RFTN1: variants seen among roughly 807,000 people sequenced by gnomAD.
RFTN1 encodes raftlin.
A neutral mutation model predicts 46.5 loss-of-function variants in RFTN1; 26 were observed. The observed-to-expected ratio is 0.56, with a 90% CI of 0.41 to 0.78. The LOEUF (loss-of-function observed/expected upper bound fraction) is 0.78. Among genes scored for constraint, RFTN1 ranks in the 30% least tolerant of loss-of-function variants. The probability of loss-of-function intolerance (pLI) is 0.00; values close to 1 mark genes in which losing one functional copy is unlikely to be tolerated. For synonymous variants in RFTN1, 261 were observed against 284.2 expected (o/e 0.92, Z 0.82); for missense variants, 693 against 718.7 (o/e 0.96, Z 0.41).
chr3:16,510,325 C>A (rs527847155), intron 1 of RFTN1, among the ~76,000 whole-genome samples: 1 of 152,224 alleles, frequency 6.6e-6, no homozygotes, highest in Non-Finnish European at 1.5e-5. Flanking sequence ...AGTTTCTAGG[C>A]AGAAGCTTAG....
chr3:16,325,006 G>C (rs990433238), intron 8 of RFTN1, among the ~76,000 whole-genome samples: 1 of 151,984 alleles, frequency 6.6e-6, no homozygotes. Context: ...CCCAATCAGT[G>C]TGAGGCTATA....
chr3:16,454,488 G>A (rs1214216280), intron 2 of RFTN1, among the ~76,000 whole-genome samples: 3 of 142,362 alleles, frequency 2.1e-5, no homozygotes, highest in African/African-American at 7.4e-5. Flanking sequence ...GTCTGAGGAC[G>A]ATTGTGTGAG....
chr3:16,508,931 G>A (rs1380002438), intron 1 of RFTN1, among the ~76,000 whole-genome samples: 1 of 152,146 alleles, frequency 6.6e-6, no homozygotes, highest in Non-Finnish European at 1.5e-5. Context: ...CTAACCACAC[G>A]TGGCTCTGGG....
intron 7 of RFTN1, among the ~76,000 whole-genome samples, chr3:16,354,042 T>C (rs2072264334): frequency 6.6e-6 from 1 of 152,218 alleles, no homozygotes; most frequent in Non-Finnish European, 1.5e-5. Context: ...ACAAGCTCAA[T>C]TTTGAGAAAC....
chr3:16,361,342 T>G lies in RFTN1; in HGVS notation c.1031-3295A>C, dbSNP rs1166812060. Among the ~76,000 whole-genome samples the G allele has an allele frequency of 6.6e-6, 1 of 152,084 alleles. No homozygotes were observed. Among genetic ancestry groups the G allele is most frequent in the East Asian group, 1.9e-4 (1 of 5,172 alleles). On this transcript the variant is annotated intron_variant, in intron 6 of 9. Coordinates refer to ENST00000334133, the MANE Select transcript of RFTN1 (RefSeq NM_015150.2). This position sits in a 1 kb window ranked among gnomAD's most constrained non-coding sequence, Gnocchi z 4.3. Reference sequence around the variant, plus strand: ...CAAGTAGTCCTGTAGTCACTAGAGATCTCACAAGCAGCAAGATAAAGTCCC... The same window carrying G: ...CAAGTAGTCCTGTAGTCACTAGAGAGCTCACAAGCAGCAAGATAAAGTCCC...
intron 6 of RFTN1, among the ~76,000 whole-genome samples, chr3:16,360,073 T>C (rs1298614506): frequency 1.3e-5 from 2 of 152,170 alleles, no homozygotes; most frequent in Non-Finnish European, 2.9e-5. Flanking sequence ...GCTTTTATAG[T>C]TAAAAATACT....
chr3:16,428,557 T>A lies in RFTN1; in HGVS notation c.332+5294A>T, dbSNP rs1332343935. On this transcript the variant is annotated intron_variant, in intron 3 of 9. Coordinates refer to ENST00000334133, the MANE Select transcript of RFTN1 (RefSeq NM_015150.2). This position sits in a 1 kb window ranked among gnomAD's most constrained non-coding sequence, Gnocchi z 4.7. ...CCTCTGTGTGCCCCCACCCTAATCCTAGGCCAAAAGGTGCCTGATAAATGT... is the reference window on the plus strand; with the variant it reads ...CCTCTGTGTGCCCCCACCCTAATCCAAGGCCAAAAGGTGCCTGATAAATGT... 1.3e-5 allele frequency among the ~76,000 whole-genome samples: 2 copies of A among 152,212 alleles called. No homozygotes were observed. The highest frequency in any genetic ancestry group is 1.3e-4 in the Admixed American group (2 of 15,286).
chr3:16,441,765 A>G (rs59846174), intron 2 of RFTN1, among the ~76,000 whole-genome samples: 9,587 of 152,274 alleles, frequency 0.063, 320 homozygotes, highest in Middle Eastern at 0.071. Flanking sequence ...ACAGACACCA[A>G]TTCCCTCGGG....
At chr3:16,371,537 T>C (rs955227042) in intron 5 of RFTN1, among the ~76,000 whole-genome samples, 2 of 152,266 alleles carry the variant, frequency 1.3e-5, no homozygotes. Context: ...TCTAAAATTA[T>C]CTCACATAGG....
At chr3:16,373,947 T>C (rs1205817695) in intron 5 of RFTN1, among the ~76,000 whole-genome samples, 1 of 152,206 alleles carries the variant, frequency 6.6e-6, no homozygotes, top group Non-Finnish European at 1.5e-5. Context: ...TGCTCAAGCT[T>C]CGCTAAGGCT....
Position 16,486,713 on chromosome 3 carries a change from C to T in RFTN1, c.145+7012G>A, listed in dbSNP as rs76567974. Among the ~76,000 whole-genome samples, 494 of 152,344 alleles carry T rather than the reference C, an allele frequency of 3.2e-3. 1 individual carries two copies. The highest frequency in any genetic ancestry group is 0.011 in the African/African-American group (441 of 41,576). Reference sequence around the variant, plus strand: ...CCATCAGTCTCCATTACTCTAGCATCAAGTACTGGTTCTTCATCTGTGAGA... The same window carrying T: ...CCATCAGTCTCCATTACTCTAGCATTAAGTACTGGTTCTTCATCTGTGAGA... On this transcript the variant is annotated intron_variant, in intron 2 of 9. Coordinates refer to ENST00000334133, the MANE Select transcript of RFTN1 (RefSeq NM_015150.2).
In RFTN1 at chr3:16,425,352, A is replaced by G. The variant is rs2075268807; in HGVS notation, c.332+8499T>C. On this transcript the variant is annotated intron_variant, in intron 3 of 9. Coordinates refer to ENST00000334133, the MANE Select transcript of RFTN1 (RefSeq NM_015150.2). The surrounding 1 kb of genome is among the most constrained non-coding windows in gnomAD (Gnocchi z 4.3). ...GTTTTAAGATTAACAGGAAATTTCAAAGAAATTCAGTGCTTGTGCATTTGT... is the reference window on the plus strand; with the variant it reads ...GTTTTAAGATTAACAGGAAATTTCAGAGAAATTCAGTGCTTGTGCATTTGT... 6.6e-6 allele frequency among the ~76,000 whole-genome samples: 1 copy of G among 152,252 alleles called. No individual in the cohort carries two copies. Among genetic ancestry groups the G allele is most frequent in the African/African-American group, 2.4e-5 (1 of 41,468 alleles).
rs952404384 is a variant in RFTN1 at position 16,346,107 on chromosome 3, C to T, written c.1146+11825G>A. ...AAGGTTCCTATGATTTAGGGTCTTC[C>T]AGCACCCCTCAGGAAGCTTGACAAT... On this transcript the variant is annotated intron_variant, in intron 7 of 9. Transcript: ENST00000334133. This position sits in a 1 kb window ranked among gnomAD's most constrained non-coding sequence, Gnocchi z 4.4. 1 of 152,100 alleles carries T rather than the reference C, an allele frequency of 6.6e-6. No individual in the cohort carries two copies. The highest frequency in any genetic ancestry group is 2.4e-5 in the African/African-American group (1 of 41,426). 9.4% of individuals were successfully genotyped at this position (152,100 alleles called of 1,614,324 possible).
At chr3:16,332,344 C>T (rs112709915) in intron 7 of RFTN1, among the ~76,000 whole-genome samples, 7,843 of 87,510 alleles carry the variant, frequency 0.09, 663 homozygotes, top group African/African-American at 0.26. Flanking sequence ...TGTCTTCCAA[C>T]TTTTATGTTT....
rs1486356452 is a variant in RFTN1, at chr3:16,504,676, C to G, written c.-9+8766G>C. On this transcript the variant is annotated intron_variant, in intron 1 of 9. Coordinates refer to ENST00000334133, the MANE Select transcript of RFTN1 (RefSeq NM_015150.2). The surrounding 1 kb of genome is among the most constrained non-coding windows in gnomAD (Gnocchi z 4.4). ...ACATGCTATTGTCTCTCCCTTAGCACTCACACTCCCTCTCTTGCCCTAACT... is the reference window on the plus strand; with the variant it reads ...ACATGCTATTGTCTCTCCCTTAGCAGTCACACTCCCTCTCTTGCCCTAACT... Among the ~76,000 whole-genome samples the G allele has an allele frequency of 6.6e-6, 1 of 152,166 alleles. No homozygotes were observed. The highest frequency in any genetic ancestry group is 2.4e-5 in the African/African-American group (1 of 41,412).
At chr3:16,461,360 C>T (rs116286059) in intron 2 of RFTN1, among the ~76,000 whole-genome samples, 5,132 of 152,260 alleles carry the variant, frequency 0.034, 134 homozygotes, top group Middle Eastern at 0.061. Flanking sequence ...CGTGAATAAT[C>T]AGGAATAATT....
chr3:16,389,804 C>T (rs12496341), intron 4 of RFTN1, among the ~76,000 whole-genome samples: 8,787 of 152,284 alleles, frequency 0.058, 314 homozygotes, highest in Middle Eastern at 0.14. Flanking sequence ...GAACCCATGT[C>T]CCCTGTACTT....
rs2070991036 is a variant in RFTN1 at position 16,337,715 on chromosome 3, C to T, written c.1147-10839G>A. On this transcript the variant is annotated intron_variant, in intron 7 of 9. Coordinates refer to ENST00000334133, the MANE Select transcript of RFTN1 (RefSeq NM_015150.2). This position sits in a 1 kb window ranked among gnomAD's most constrained non-coding sequence, Gnocchi z 5.0. ...CCAGATTGCGCCACTGCACTCCAGC[C>T]TGGCGACAGAGCGAGACTCCATCTC... is the stretch of plus-strand genomic sequence containing the variant. 6.8e-6 allele frequency among the ~76,000 whole-genome samples: 1 copy of T among 146,510 alleles called. No individual in the cohort carries two copies. The highest frequency in any genetic ancestry group is 6.9e-5 in the Admixed American group (1 of 14,486).
In RFTN1 at chr3:16,499,183, G is replaced by GGTA. The variant is rs893327982; in HGVS notation, c.-8-5309_-8-5307dup. Among the ~76,000 whole-genome samples, 1 of 152,192 alleles carries GGTA rather than the reference G, an allele frequency of 6.6e-6. No individual in the cohort carries two copies. Among genetic ancestry groups the GGTA allele is most frequent in the Non-Finnish European group, 1.5e-5 (1 of 68,028 alleles). ...GTCTCTAGTAAGGTGGAAGGTAAATGGTAAGTAGGATGGTTTTTAAATGTG... is the reference window on the plus strand; with the variant it reads ...GTCTCTAGTAAGGTGGAAGGTAAATGGTAGTAAGTAGGATGGTTTTTAAATGTG... On this transcript the variant is annotated intron_variant, in intron 1 of 9. Coordinates refer to ENST00000334133, the MANE Select transcript of RFTN1 (RefSeq NM_015150.2). The surrounding 1 kb of genome is among the most constrained non-coding windows in gnomAD (Gnocchi z 4.9).
Sources: gnomAD v4.1 joint callset for allele counts (sites outside exome capture counted in the v4.1 genomes callset) on GRCh38, gnomAD v4.1.1 for gene constraint, Gnocchi (gnomAD v3.1) non-coding constraint, MANE v1.5 for transcripts, NCBI Gene and HGNC (gene_info 2026-07-23, HGNC 2026-07-21) for gene names.